Variants in LPCAT1 observed in about 807,000 individuals in gnomAD.
LPCAT1 encodes 1-acylglycerol-3-phosphate O-acyltransferase.
LPCAT1 carries 23 observed loss-of-function variants against 60.9 expected under a neutral mutation model. The ratio of observed to expected loss-of-function variants is 0.38; its 90% CI spans 0.27 to 0.53. LPCAT1 has a LOEUF of 0.53. Among genes scored for constraint, LPCAT1 ranks in the 20% least tolerant of loss-of-function variants. LPCAT1 has a pLI of 0.82. For missense variants in LPCAT1, 622 were observed against 723.6 expected (o/e 0.86, Z 1.61); for synonymous variants, 340 against 301.1 (o/e 1.13, Z -1.34).
intron 13 of LPCAT1, among the ~76,000 whole-genome samples, chr5:1,465,515 A>G (rs372492773): frequency 2.5e-4 from 30 of 119,438 alleles, no homozygotes; most frequent in African/African-American, 7.6e-4. Context: ...ACACGTGTGC[A>G]CACACACAAA....
In LPCAT1 at chr5:1,463,390, C is replaced by T; in HGVS notation, c.*261G>A. On this transcript the variant is annotated 3_prime_UTR_variant, in exon 14 of 14. Transcript: ENST00000283415. Reference sequence around the variant, plus strand: ...GGCGGCACCGGTGCCCCCCGCCCGGCAGGGAACCTGACCCCACGGGGTCCA... The same window carrying T: ...GGCGGCACCGGTGCCCCCCGCCCGGTAGGGAACCTGACCCCACGGGGTCCA... The T allele has an allele frequency of 2.1e-6, 1 of 476,096 alleles. No individual in the cohort carries two copies. The highest frequency in any genetic ancestry group is 3.8e-5 in the Admixed American group (1 of 26,186). The allele number at this position is 476,096 out of a possible 1,614,324, so 29.5% of individuals were successfully genotyped here.
Position 1,495,340 on chromosome 5 carries a change from G to C in LPCAT1, c.279-426C>G, listed in dbSNP as rs1042160419. Reference sequence around the variant, plus strand: ...ACGCATATCGCAATATGGGGGGGGGGGCGCTCAGAGCTGAGGGCGGAAGCT... The same window carrying C: ...ACGCATATCGCAATATGGGGGGGGGCGCGCTCAGAGCTGAGGGCGGAAGCT... On this transcript the variant is annotated intron_variant, in intron 2 of 13. Coordinates refer to ENST00000283415, the MANE Select transcript of LPCAT1 (RefSeq NM_024830.5). The surrounding 1 kb of genome is among the most constrained non-coding windows in gnomAD (Gnocchi z 4.7). 1.3e-5 allele frequency among the ~76,000 whole-genome samples: 2 copies of C among 151,466 alleles called. No homozygotes were observed. Among genetic ancestry groups the C allele is most frequent in the Non-Finnish European group, 2.9e-5 (2 of 67,830 alleles).
At chr5:1,465,393 C>T (rs551535672) in intron 13 of LPCAT1, among the ~76,000 whole-genome samples, 2 of 148,520 alleles carry the variant, frequency 1.3e-5, no homozygotes, top group East Asian at 2.0e-4. Context: ...AACACACATG[C>T]GCATGCACAC....
In LPCAT1 at chr5:1,496,794, T is replaced by G. The variant is rs765949090; in HGVS notation, c.279-1880A>C. On this transcript the variant is annotated intron_variant, in intron 2 of 13. Transcript: ENST00000283415. This position sits in a 1 kb window ranked among gnomAD's most constrained non-coding sequence, Gnocchi z 4.7. ...CGGACTGCTGGTGTGGATGACAGCC[T>G]CAGAGAAAAGCTCCGCTTGCTGTGG... Among the ~76,000 whole-genome samples, 2 of 152,106 alleles carry G rather than the reference T, an allele frequency of 1.3e-5. No homozygotes were observed. Among genetic ancestry groups the G allele is most frequent in the Non-Finnish European group, 2.9e-5 (2 of 68,024 alleles).
At chr5:1,509,264 C>T (rs961013825) in intron 1 of LPCAT1, among the ~76,000 whole-genome samples, 1 of 152,272 alleles carries the variant, frequency 6.6e-6, no homozygotes, top group African/African-American at 2.4e-5. Flanking sequence ...GTGGAGGCAG[C>T]TCACAGGAAT....
chr5:1,500,684 C>T (rs1471099905), intron 2 of LPCAT1, among the ~76,000 whole-genome samples: 2 of 152,234 alleles, frequency 1.3e-5, no homozygotes, highest in South Asian at 2.1e-4. Context: ...GGAGCTTCTG[C>T]TTTTCCAAGA....
At chr5:1,494,585 A>C (rs1735708082) in intron 3 of LPCAT1, 115 bp downstream of exon 3, 2 of 993,528 alleles carry the variant, frequency 2.0e-6, no homozygotes, top group South Asian at 1.5e-5. Flanking sequence ...CATTCCCAAC[A>C]GAGGGGGGAC....
intron 11 of LPCAT1, among the ~76,000 whole-genome samples, chr5:1,471,156 G>A (rs1734653204): frequency 6.6e-6 from 1 of 152,216 alleles, no homozygotes; most frequent in African/African-American, 2.4e-5. Context: ...AAGTTCACAA[G>A]GCTGCCACAG....
intron 1 of LPCAT1, among the ~76,000 whole-genome samples, chr5:1,515,933 C>T (rs986193596): frequency 5.3e-5 from 8 of 152,266 alleles, no homozygotes; most frequent in Admixed American, 3.3e-4. Flanking sequence ...CCACCAGTAA[C>T]GTCTGTGAGG....
chr5:1,523,126 A>G lies in LPCAT1; in HGVS notation c.135+584T>C, dbSNP rs922585160. On this transcript the variant is annotated intron_variant, in intron 1 of 13. Coordinates refer to ENST00000283415, the MANE Select transcript of LPCAT1 (RefSeq NM_024830.5). The surrounding 1 kb of genome is among the most constrained non-coding windows in gnomAD (Gnocchi z 7.1). ...AGAGCAGGGAGACCCGTGCGCCTAC[A>G]GGGGACCCTACAGGGGACCCGCACC... Among the ~76,000 whole-genome samples the G allele has an allele frequency of 6.6e-6, 1 of 151,464 alleles. No homozygotes were observed. Among genetic ancestry groups the G allele is most frequent in the East Asian group, 1.9e-4 (1 of 5,190 alleles).
chr5:1,476,027 G>C lies in LPCAT1; in HGVS notation c.900-1342C>G, dbSNP rs1422921939. Among the ~76,000 whole-genome samples, 1 of 152,224 alleles carries C rather than the reference G, an allele frequency of 6.6e-6. No individual in the cohort carries two copies. The highest frequency in any genetic ancestry group is 2.4e-5 in the African/African-American group (1 of 41,452). On this transcript the variant is annotated intron_variant, in intron 9 of 13. Coordinates refer to ENST00000283415, the MANE Select transcript of LPCAT1 (RefSeq NM_024830.5). This position sits in a 1 kb window ranked among gnomAD's most constrained non-coding sequence, Gnocchi z 8.6. ...CCGGTAATTTGGAGTGGGGTTTTAA[G>C]AGAATTCTGAATTACTACAATGGAA...
At chr5:1,513,563 T>C (rs1040558508) in intron 1 of LPCAT1, among the ~76,000 whole-genome samples, 6 of 152,224 alleles carry the variant, frequency 3.9e-5, no homozygotes, top group East Asian at 3.8e-4. Flanking sequence ...AGCTGCAGAT[T>C]CCTATTTGGA....
chr5:1,501,367 G>A (rs984848575), intron 2 of LPCAT1, 94 bp downstream of exon 2: 24 of 1,470,806 alleles, frequency 1.6e-5, no homozygotes, highest in Admixed American at 2.0e-5. Flanking sequence ...ATGGGCTAGG[G>A]TGGAGACACA....
intron 4 of LPCAT1, 87 bp from the exon 5 acceptor site, chr5:1,488,538 T>A (rs1735455229): frequency 1.1e-6 from 1 of 919,756 alleles, no homozygotes; most frequent in African/African-American, 1.7e-5. Flanking sequence ...CACAATATAT[T>A]TTCTTTTCTG....
In LPCAT1 at chr5:1,521,798, C is replaced by T. The variant is rs975408284; in HGVS notation, c.135+1912G>A. ...GGACCAGGAGCCTCTCGATGACCCCCTGCCCAAGAGCCACTGGGAGCAGCT... is the reference window on the plus strand; with the variant it reads ...GGACCAGGAGCCTCTCGATGACCCCTTGCCCAAGAGCCACTGGGAGCAGCT... On this transcript the variant is annotated intron_variant, in intron 1 of 13. Transcript: ENST00000283415. This position sits in a 1 kb window ranked among gnomAD's most constrained non-coding sequence, Gnocchi z 4.3. Among the ~76,000 whole-genome samples the T allele has an allele frequency of 2.0e-5, 3 of 152,164 alleles. No homozygotes were observed. Among genetic ancestry groups the T allele is most frequent in the Non-Finnish European group, 2.9e-5 (2 of 68,016 alleles).
chr5:1,491,953 CA>C (rs1735599055), intron 3 of LPCAT1, among the ~76,000 whole-genome samples: 1 of 152,224 alleles, frequency 6.6e-6, no homozygotes, highest in Admixed American at 6.5e-5. Flanking sequence ...CAGAAGTCAC[CA>C]CAAGCTGGGA....
Position 1,502,385 on chromosome 5 carries a change from C to T in LPCAT1, c.136-782G>A, listed in dbSNP as rs1736049858. On this transcript the variant is annotated intron_variant, in intron 1 of 13. Coordinates refer to ENST00000283415, the MANE Select transcript of LPCAT1 (RefSeq NM_024830.5). This position sits in a 1 kb window ranked among gnomAD's most constrained non-coding sequence, Gnocchi z 5.5. The stretch of plus-strand genomic sequence containing the variant: ...GTTGGTGACAGGGGGAGGTAGCTGG[C>T]CTGCAGTTTGCAAGGTTGGACCTCA... 1.3e-5 allele frequency among the ~76,000 whole-genome samples: 2 copies of T among 152,274 alleles called. No homozygotes were observed. The highest frequency in any genetic ancestry group is 3.9e-4 in the East Asian group (2 of 5,178).
intron 3 of LPCAT1, among the ~76,000 whole-genome samples, chr5:1,493,127 C>T (rs1396749619): frequency 6.6e-6 from 1 of 152,246 alleles, no homozygotes; most frequent in Non-Finnish European, 1.5e-5. Context: ...GTCTCGCCTC[C>T]AGTGCCGGCC....
rs77773512 is a variant in LPCAT1 at position 1,495,341 on chromosome 5, G to C, written c.279-427C>G. Among the ~76,000 whole-genome samples, 1 of 149,392 alleles carries C rather than the reference G, an allele frequency of 6.7e-6. No individual in the cohort carries two copies. The highest frequency in any genetic ancestry group is 6.7e-5 in the Admixed American group (1 of 14,990). On this transcript the variant is annotated intron_variant, in intron 2 of 13. Coordinates refer to ENST00000283415, the MANE Select transcript of LPCAT1 (RefSeq NM_024830.5). This position sits in a 1 kb window ranked among gnomAD's most constrained non-coding sequence, Gnocchi z 4.7. ...CGCATATCGCAATATGGGGGGGGGGGCGCTCAGAGCTGAGGGCGGAAGCTG... is the reference window on the plus strand; with the variant it reads ...CGCATATCGCAATATGGGGGGGGGGCCGCTCAGAGCTGAGGGCGGAAGCTG...
Sources: gnomAD v4.1 joint callset for allele counts (sites outside exome capture counted in the v4.1 genomes callset) on GRCh38, gnomAD v4.1.1 for gene constraint, Gnocchi (gnomAD v3.1) non-coding constraint, MANE v1.5 for transcripts, NCBI Gene and HGNC (gene_info 2026-07-23, HGNC 2026-07-21) for gene names.